Variants in MAGI2 observed in about 807,000 individuals in gnomAD.
MAGI2 encodes the protein membrane-associated guanylate kinase, WW and PDZ domain-containing protein 2.
MAGI2 carries 35 observed loss-of-function variants against 133.3 expected under a neutral mutation model. The observed-to-expected ratio is 0.26, with a 90% CI of 0.20 to 0.35. The LOEUF (loss-of-function observed/expected upper bound fraction) is 0.35, where lower values mean the gene tolerates loss of function less well. MAGI2 is among the 10% of genes least tolerant of loss of function. The pLI is 1.00. For synonymous variants in MAGI2, 729 were observed against 710.6 expected (o/e 1.03, Z -0.41); for missense variants, 1,636 against 1,863.4 (o/e 0.88, Z 2.25).
At chr7:78,060,606 A>G (rs17160749) in intron 21 of MAGI2, among the ~76,000 whole-genome samples, 6,534 of 152,322 alleles carry the variant, frequency 0.043, 316 homozygotes, top group East Asian at 0.13. Flanking sequence ...CAGACGACTG[A>G]GAGATCCCTT....
At position 78,719,965 on chromosome 7, in the gene MAGI2, T is replaced by C. The variant is rs767745231; in HGVS notation, c.419-92726A>G. 2.3e-4 allele frequency among the ~76,000 whole-genome samples: 35 copies of C among 152,154 alleles called. 1 individual carries two copies. Among genetic ancestry groups the C allele is most frequent in the African/African-American group, 4.8e-5 (2 of 41,460 alleles). On this transcript the variant is annotated intron_variant, in intron 2 of 21. Transcript: ENST00000354212. ...TATAATTTTAGTTATTATAAATATTTAGTTAAATCTACTCGGTTATCTTTC... is the reference window on the plus strand; with the variant it reads ...TATAATTTTAGTTATTATAAATATTCAGTTAAATCTACTCGGTTATCTTTC...
At chr7:78,836,441 T>A (rs2151453448) in intron 2 of MAGI2, among the ~76,000 whole-genome samples, 1 of 152,336 alleles carries the variant, frequency 6.6e-6, no homozygotes, top group Admixed American at 6.5e-5. Flanking sequence ...ATTGGTTTCT[T>A]AAAATGTGAG....
intron 1 of MAGI2, among the ~76,000 whole-genome samples, chr7:79,250,359 A>G (rs1300520920): frequency 1.3e-5 from 2 of 151,354 alleles, no homozygotes; most frequent in Non-Finnish European, 3.0e-5. Context: ...AAAAAAAAAA[A>G]AAAAGAAAAC....
intron 20 of MAGI2, among the ~76,000 whole-genome samples, chr7:78,117,327 A>C (rs372386719): frequency 1.3e-5 from 2 of 152,218 alleles, no homozygotes; most frequent in African/African-American, 4.8e-5. Flanking sequence ...AAAATGATAC[A>C]TCATGAATAA....
chr7:78,570,831 T>A (rs1240913870), intron 3 of MAGI2, among the ~76,000 whole-genome samples: 1 of 152,176 alleles, frequency 6.6e-6, no homozygotes, highest in Non-Finnish European at 1.5e-5. Flanking sequence ...TTTGAGTTCA[T>A]TTTTCCATTG....
In MAGI2 at chr7:78,324,718, T is replaced by C. The variant is rs1788403780; in HGVS notation, c.1408+19060A>G. ...GCTCACAACTGTAATCCCAGCACTT[T>C]GGGAGGCCGAGGCTGGTGGAACACC... On this transcript the variant is annotated intron_variant, in intron 9 of 21. Coordinates refer to ENST00000354212, the MANE Select transcript of MAGI2 (RefSeq NM_012301.4). Among the ~76,000 whole-genome samples the C allele has an allele frequency of 3.3e-5, 5 of 152,142 alleles. No homozygotes were observed. In the South Asian group the frequency reaches 1.0e-3, roughly 32 times the overall value.
At chr7:78,070,446 ATATATATGTGTGTG>A (rs1349107921) in intron 21 of MAGI2, among the ~76,000 whole-genome samples, 6 of 146,956 alleles carry the variant, frequency 4.1e-5, no homozygotes, top group African/African-American at 1.3e-4. Context: ...ATATATGTGT[ATATATATGTGTGTG>A]TATATATGTG....
At chr7:78,651,197 T>C (rs1032514367) in intron 2 of MAGI2, among the ~76,000 whole-genome samples, 1 of 152,148 alleles carries the variant, frequency 6.6e-6, no homozygotes, top group Admixed American at 6.6e-5. Context: ...GTAATAGAGA[T>C]TGATAATACA....
intron 6 of MAGI2, among the ~76,000 whole-genome samples, chr7:78,467,323 C>T (rs1322314795): frequency 6.6e-6 from 1 of 151,998 alleles, no homozygotes; most frequent in Non-Finnish European, 1.5e-5. Context: ...TAAGAGATGC[C>T]CCTTTGTGGG....
chr7:78,445,228 A>G (rs1788014638), intron 6 of MAGI2, among the ~76,000 whole-genome samples: 2 of 152,020 alleles, frequency 1.3e-5, no homozygotes, highest in South Asian at 4.1e-4. Context: ...TCATGCAACT[A>G]TCTGCCCTCC....
intron 1 of MAGI2, among the ~76,000 whole-genome samples, chr7:79,160,858 A>C (rs536240564): frequency 6.6e-6 from 1 of 152,152 alleles, no homozygotes; most frequent in African/African-American, 2.4e-5. Flanking sequence ...GGTCACAGTA[A>C]GTCTGGGGCT....
At chr7:78,324,843 G>A (rs546911960) in intron 9 of MAGI2, among the ~76,000 whole-genome samples, 10 of 152,210 alleles carry the variant, frequency 6.6e-5, no homozygotes, top group East Asian at 1.9e-4. Flanking sequence ...GCGGGCGCCT[G>A]TATTCCCAGC....
chr7:78,033,522 G>C (rs1325812251), intron 21 of MAGI2, among the ~76,000 whole-genome samples: 5 of 151,562 alleles, frequency 3.3e-5, no homozygotes, highest in Admixed American at 3.3e-4. Flanking sequence ...TTTTATACAG[G>C]CTTGTGCAAG....
chr7:78,616,912 T>C (rs1007292633), intron 3 of MAGI2: 1 of 152,184 alleles, frequency 6.6e-6, no homozygotes, highest in Non-Finnish European at 1.5e-5. Flanking sequence ...AGTTTGAAAA[T>C]GAACTGTGAT....
chr7:79,007,034 A>T, intron 2 of MAGI2, 56 bp downstream of exon 2: 1 of 1,250,126 alleles, frequency 8.0e-7, no homozygotes, highest in Non-Finnish European at 1.1e-6. Flanking sequence ...CAATGAATAT[A>T]TAGCTAAACA....
chr7:79,303,999 C>T (rs754784072), intron 1 of MAGI2, among the ~76,000 whole-genome samples: 4 of 151,872 alleles, frequency 2.6e-5, no homozygotes, highest in Admixed American at 1.3e-4. Context: ...AAAATTGGTC[C>T]GGAAGATTGG....
chr7:78,914,834 G>A (rs1314153524), intron 2 of MAGI2, among the ~76,000 whole-genome samples: 1 of 152,014 alleles, frequency 6.6e-6, no homozygotes, highest in East Asian at 1.9e-4. Flanking sequence ...TGTAGCAGGG[G>A]CCATATTTTT....
chr7:79,310,948 G>GCACACA (rs34744101), intron 1 of MAGI2, among the ~76,000 whole-genome samples: 1 of 149,866 alleles, frequency 6.7e-6, no homozygotes, highest in East Asian at 2.0e-4. Context: ...ACACACACAT[G>GCACACA]CACACACACA....
intron 9 of MAGI2, among the ~76,000 whole-genome samples, chr7:78,302,315 A>T (rs1391985981): frequency 6.6e-6 from 1 of 152,180 alleles, no homozygotes; most frequent in African/African-American, 2.4e-5. Context: ...GAGAAAAAAA[A>T]TTCAAAGAGC....
Sources: allele counts gnomAD v4.1 joint callset (sites outside exome capture counted in the v4.1 genomes callset), GRCh38; gene constraint gnomAD v4.1.1; transcripts MANE v1.5; gene names NCBI Gene and HGNC (gene_info 2026-07-23, HGNC 2026-07-21).